Variants in EVA1C observed in about 807,000 individuals in gnomAD.
EVA1C encodes the protein eva-1 homolog C.
Under a neutral mutation model 45.4 loss-of-function variants are expected in EVA1C, and 25 were observed. The observed-to-expected ratio is 0.55, with a 90% CI of 0.40 to 0.77. The LOEUF is 0.77. EVA1C is among the 30% of genes least tolerant of loss of function. EVA1C has a pLI of 0.00. For synonymous variants in EVA1C, 190 were observed against 221.2 expected, an observed-to-expected ratio of 0.86 and a Z score of 1.25; for missense variants, 479 against 554.8, an observed-to-expected ratio of 0.86 and a Z score of 1.37.
chr21:32,444,760 A>G (rs1407796590), intron 1 of EVA1C, among the ~76,000 whole-genome samples: 1 of 152,180 alleles, frequency 6.6e-6, no homozygotes, highest in Non-Finnish European at 1.5e-5. Flanking sequence ...TGGTCTTTCC[A>G]GGGACCAGTC....
intron 5 of EVA1C, chr21:32,497,086 T>C: frequency 1.0e-6 from 1 of 982,020 alleles, no homozygotes. Context: ...TGGTCTGCTT[T>C]TTAAAGTGAC....
chr21:32,497,899 G>A (rs570224881), intron 5 of EVA1C, among the ~76,000 whole-genome samples: 10 of 152,140 alleles, frequency 6.6e-5, no homozygotes, highest in South Asian at 2.1e-4. Context: ...ACAACAGCCC[G>A]GGAAAGACCC....
chr21:32,415,438 G>A (rs1185945722), intron 1 of EVA1C, among the ~76,000 whole-genome samples: 1 of 152,182 alleles, frequency 6.6e-6, no homozygotes, highest in Non-Finnish European at 1.5e-5. Context: ...CCCAGCCATT[G>A]TCTGTACAAT....
In EVA1C at chr21:32,444,025, C is replaced by T. The variant is rs1163536149; in HGVS notation, c.161-9287C>T. On this transcript the variant is annotated intron_variant, in intron 1 of 7. Coordinates refer to ENST00000300255, the MANE Select transcript of EVA1C (RefSeq NM_058187.5). ...TATGAGACAGGGCCACAGCCAGCAA[C>T]TCCCACTTCTGACACCAATTGTGTG... Among the ~76,000 whole-genome samples, 4 of 151,502 alleles carry T rather than the reference C, an allele frequency of 2.6e-5. No individual in the cohort carries two copies. The East Asian group carries it at 7.8e-4, about 29-fold the overall frequency.
chr21:32,486,074 G>A (rs1029515808), intron 4 of EVA1C, among the ~76,000 whole-genome samples: 1 of 152,220 alleles, frequency 6.6e-6, no homozygotes, highest in Non-Finnish European at 1.5e-5. Flanking sequence ...ATCGCCATGA[G>A]CAGACAAAGG....
At position 32,474,194 on chromosome 21, in the gene EVA1C, G is replaced by A. The variant is rs112196290; in HGVS notation, c.634+6346G>A. Among the ~76,000 whole-genome samples, 994 of 152,256 alleles carry A rather than the reference G, an allele frequency of 6.5e-3. 13 individuals are homozygous for A. Among genetic ancestry groups the A allele is most frequent in the African/African-American group, 0.023 (937 of 41,564 alleles). Reference sequence around the variant, plus strand: ...CTCCTAAAGTGCTGGGATTGCAGGCGTGAGCCACTGAGCCCGACCAGGATT... The same window carrying A: ...CTCCTAAAGTGCTGGGATTGCAGGCATGAGCCACTGAGCCCGACCAGGATT... On this transcript the variant is annotated intron_variant, in intron 4 of 7. Transcript: ENST00000300255. The surrounding 1 kb of genome is among the most constrained non-coding windows in gnomAD (Gnocchi z 4.4).
Position 32,495,099 on chromosome 21 carries a change from T to C in EVA1C, c.707T>C (p.Val236Ala), listed in dbSNP as rs572171920. ...CYGKQRCKII[V>A]NNHHFGSPCL... ...GGGAAGCAGAGATGCAAAATCATCG[T>C]CAACAATCACCATTTTGGAAGCCCC... The change falls in exon 5 of 8, where the codon GTC (valine) becomes GCC (alanine). Residue 236 changes from valine (V) to alanine (A), a missense_variant. Around this residue, in one of 3 missense-constraint regions of EVA1C, gnomAD observed 366 missense variants for 426.1 expected, o/e 0.86. Coordinates refer to ENST00000300255, the MANE Select transcript of EVA1C (RefSeq NM_058187.5). 1 of 1,614,098 alleles carries C rather than the reference T, an allele frequency of 6.2e-7. No individual in the cohort carries two copies. The highest frequency in any genetic ancestry group is 1.7e-5 in the Admixed American group (1 of 60,006).
At chr21:32,413,043 C>A in intron 1 of EVA1C, 30 bp downstream of exon 1, 2 of 1,351,064 alleles carry the variant, frequency 1.5e-6, no homozygotes, top group Non-Finnish European at 1.9e-6. Context: ...CTGTGTGCCC[C>A]CGGCACCGCG....
chr21:32,501,012 C>T (rs9978868), intron 5 of EVA1C, among the ~76,000 whole-genome samples: 3,665 of 152,198 alleles, frequency 0.024, 149 homozygotes, highest in African/African-American at 0.084. Flanking sequence ...GGGGTTTCAT[C>T]ATGTTGGCCA....
chr21:32,434,377 G>T (rs2034844180), intron 1 of EVA1C, among the ~76,000 whole-genome samples: 1 of 151,082 alleles, frequency 6.6e-6, no homozygotes, highest in Admixed American at 6.6e-5. Flanking sequence ...GGATCACGAG[G>T]TCAGGAGATC....
chr21:32,506,164 C>T (rs913955916), intron 7 of EVA1C, among the ~76,000 whole-genome samples: 19 of 150,896 alleles, frequency 1.3e-4, no homozygotes, highest in Middle Eastern at 3.4e-3. Context: ...TAGAGATATT[C>T]GTTTAGTGAC....
intron 4 of EVA1C, among the ~76,000 whole-genome samples, chr21:32,468,687 GTC>G (rs1300342263): frequency 6.6e-6 from 1 of 152,148 alleles, no homozygotes; most frequent in Admixed American, 6.5e-5. Context: ...GGCTAGGGCA[GTC>G]TCTCCTTTTC....
At chr21:32,470,049 C>T (rs2036312783) in intron 4 of EVA1C, among the ~76,000 whole-genome samples, 1 of 152,160 alleles carries the variant, frequency 6.6e-6, no homozygotes, top group Non-Finnish European at 1.5e-5. Flanking sequence ...AGAGAACAGA[C>T]CCAGCTGTGA....
intron 6 of EVA1C, among the ~76,000 whole-genome samples, chr21:32,502,440 G>A (rs1802933258): frequency 6.6e-6 from 1 of 151,986 alleles, no homozygotes; most frequent in African/African-American, 2.4e-5. Flanking sequence ...GGGGTGGAGG[G>A]GTAGGGAGTT....
At chr21:32,419,492 A>G (rs2034178225) in intron 1 of EVA1C, among the ~76,000 whole-genome samples, 1 of 152,216 alleles carries the variant, frequency 6.6e-6, no homozygotes, top group Non-Finnish European at 1.5e-5. Context: ...AGGCAGGTGA[A>G]TCATTTGAGG....
chr21:32,447,812 T>G (rs2035419689), intron 1 of EVA1C, among the ~76,000 whole-genome samples: 1 of 152,194 alleles, frequency 6.6e-6, no homozygotes, highest in Non-Finnish European at 1.5e-5. Context: ...TTCAAGTGAT[T>G]CACCTCCCTC....
At chr21:32,450,119 G>A (rs571698004) in intron 1 of EVA1C, among the ~76,000 whole-genome samples, 160 of 152,328 alleles carry the variant, frequency 1.1e-3, no homozygotes, top group African/African-American at 3.7e-3. Context: ...ATATGGTAAG[G>A]CCAGTTGGAT....
At chr21:32,424,845 C>T (rs1023670919) in intron 1 of EVA1C, among the ~76,000 whole-genome samples, 2 of 151,958 alleles carry the variant, frequency 1.3e-5, no homozygotes, top group African/African-American at 2.4e-5. Flanking sequence ...ATGATGATGA[C>T]GTGATGATGA....
intron 1 of EVA1C, among the ~76,000 whole-genome samples, chr21:32,426,983 G>T (rs1274155292): frequency 6.6e-6 from 1 of 152,142 alleles, no homozygotes; most frequent in East Asian, 1.9e-4. Flanking sequence ...TCTATTGTGT[G>T]GCTCTTGGCA....
Sources: allele counts gnomAD v4.1 joint callset (sites outside exome capture counted in the v4.1 genomes callset), GRCh38; gene constraint gnomAD v4.1.1; regional missense constraint gnomAD v4.1.1; non-coding constraint Gnocchi (gnomAD v3.1); transcripts MANE v1.5; gene names NCBI Gene and HGNC (gene_info 2026-07-23, HGNC 2026-07-21).